P2RY14: variants seen among roughly 807,000 people sequenced by gnomAD.
P2RY14 encodes P2Y purinoceptor 14.
P2RY14 carries 2 observed loss-of-function variants against 0.9 expected under a neutral mutation model. The ratio of observed to expected loss-of-function variants is 2.16; its 90% CI spans 0.88 to 6.79. The LOEUF (loss-of-function observed/expected upper bound fraction) is 6.79. Ranked by LOEUF, P2RY14 falls within the 30% of genes most tolerant of loss-of-function variation. P2RY14 has a pLI of 0.05. For synonymous variants in P2RY14, 158 were observed against 147.2 expected, an observed-to-expected ratio of 1.07 and a Z score of -0.53; for missense variants, 378 against 400.1, an observed-to-expected ratio of 0.94 and a Z score of 0.47.
At chr3:151,230,539 C>T (rs1037487003) in intron 1 of P2RY14, among the ~76,000 whole-genome samples, 8 of 151,064 alleles carry the variant, frequency 5.3e-5, no homozygotes, top group African/African-American at 1.5e-4. Context: ...GACTGTGAAA[C>T]GTGCCAGGAC....
chr3:151,214,174 A>G lies in P2RY14; in HGVS notation c.143T>C (p.Phe48Ser). The change falls in exon 3 of 3, where the codon TTT (phenylalanine) becomes TCT (serine). Residue 48 changes from phenylalanine (F) to serine (S), a missense_variant. By Grantham distance (155) the Phe-to-Ser change is radical (BLOSUM62 -2). Transcript: ENST00000309170. ...GAAACTCTTAGAGCTGGGCACGTAAAAGAATATCCATCCTGACACTCCATT... is the reference window on the plus strand; with the variant it reads ...GAAACTCTTAGAGCTGGGCACGTAAGAGAATATCCATCCTGACACTCCATT... ...LLNGVSGWIF[F>S]YVPSSKSFII... is the part of the protein sequence containing the mutation. The G allele has an allele frequency of 6.2e-7, 1 of 1,614,164 alleles. No individual in the cohort carries two copies. The highest frequency in any genetic ancestry group is 8.5e-7 in the Non-Finnish European group (1 of 1,180,018).
intron 1 of P2RY14, among the ~76,000 whole-genome samples, chr3:151,263,861 T>G (rs1037641642): frequency 3.9e-5 from 6 of 152,006 alleles, no homozygotes; most frequent in Non-Finnish European, 8.8e-5. Flanking sequence ...GTGGTAAGAG[T>G]GAGACAATAC....
intron 1 of P2RY14, among the ~76,000 whole-genome samples, chr3:151,233,733 C>CA (rs1732180352): frequency 6.6e-6 from 1 of 152,070 alleles, no homozygotes; most frequent in Non-Finnish European, 1.5e-5. Flanking sequence ...AACTCCGTCT[C>CA]AAAAAAACAA....
intron 1 of P2RY14, among the ~76,000 whole-genome samples, chr3:151,248,658 T>C (rs928680698): frequency 2.0e-5 from 3 of 152,102 alleles, no homozygotes; most frequent in Non-Finnish European, 4.4e-5. Context: ...TCATGCCTTA[T>C]CAAATTAAAA....
At chr3:151,224,446 CTTT>C (rs80099332) in intron 1 of P2RY14, among the ~76,000 whole-genome samples, 1 of 143,150 alleles carries the variant, frequency 7.0e-6, no homozygotes. Context: ...ATGTTTAACA[CTTT>C]TTTTTTTTTT....
At chr3:151,240,600 C>A (rs1267242001) in intron 1 of P2RY14, among the ~76,000 whole-genome samples, 1 of 152,054 alleles carries the variant, frequency 6.6e-6, no homozygotes, top group Non-Finnish European at 1.5e-5. Flanking sequence ...AGATTCAAAT[C>A]TAGTTGTTTA....
chr3:151,255,970 C>T (rs180699383), intron 1 of P2RY14, among the ~76,000 whole-genome samples: 27 of 152,286 alleles, frequency 1.8e-4, no homozygotes, highest in Admixed American at 1.8e-3. Flanking sequence ...ACTATAATGC[C>T]TAGCTCTAAG....
intron 1 of P2RY14, among the ~76,000 whole-genome samples, chr3:151,220,751 T>G (rs999301859): frequency 6.6e-6 from 1 of 152,186 alleles, no homozygotes; most frequent in African/African-American, 2.4e-5. Context: ...CCAGTAAACC[T>G]CTTTCTTTTG....
chr3:151,215,420 C>T (rs1576994800), intron 2 of P2RY14, among the ~76,000 whole-genome samples: 1 of 152,058 alleles, frequency 6.6e-6, no homozygotes, highest in African/African-American at 2.4e-5. Flanking sequence ...TAATATTCTA[C>T]AAATGCTCTA....
At chr3:151,227,327 G>A (rs1207881432) in intron 1 of P2RY14, among the ~76,000 whole-genome samples, 3 of 152,140 alleles carry the variant, frequency 2.0e-5, no homozygotes, top group Middle Eastern at 3.4e-3. Flanking sequence ...CTTGATCTTC[G>A]TATTCACAGT....
rs537202119 is a variant in P2RY14 at position 151,230,304 on chromosome 3, T to G, written c.-132-10662A>C. Reference sequence around the variant, plus strand: ...CTGTTCTTGAATATGCGTGTCTGTTTTAGAACATTCCACTTGTGATATTTC... The same window carrying G: ...CTGTTCTTGAATATGCGTGTCTGTTGTAGAACATTCCACTTGTGATATTTC... On this transcript the variant is annotated intron_variant, in intron 1 of 2. Transcript: ENST00000309170. 2.6e-5 allele frequency among the ~76,000 whole-genome samples: 4 copies of G among 152,350 alleles called. No individual in the cohort carries two copies. In the South Asian group the frequency reaches 8.3e-4, roughly 32 times the overall value.
intron 1 of P2RY14, among the ~76,000 whole-genome samples, chr3:151,266,760 A>G (rs1739912577): frequency 6.6e-6 from 1 of 152,238 alleles, no homozygotes; most frequent in Admixed American, 6.5e-5. Flanking sequence ...TGCAGGAAAT[A>G]GTTAGCTGCC....
At chr3:151,273,416 T>TTC (rs1289833008) in intron 1 of P2RY14, among the ~76,000 whole-genome samples, 1 of 147,844 alleles carries the variant, frequency 6.8e-6, no homozygotes, top group Non-Finnish European at 1.5e-5. Context: ...TTTTTTTTTT[T>TTC]TTTTTTAGTA....
chr3:151,240,253 T>C (rs147620194), intron 1 of P2RY14, among the ~76,000 whole-genome samples: 38 of 152,350 alleles, frequency 2.5e-4, no homozygotes, highest in Middle Eastern at 3.4e-3. Flanking sequence ...GCCCAGTTTT[T>C]TGTGGGAATG....
intron 2 of P2RY14, among the ~76,000 whole-genome samples, chr3:151,214,958 G>A (rs1263680299): frequency 6.6e-6 from 1 of 152,048 alleles, no homozygotes; most frequent in Non-Finnish European, 1.5e-5. Context: ...CATTATAAAT[G>A]TTTACATATT....
At chr3:151,248,342 A>G (rs1169624194) in intron 1 of P2RY14, among the ~76,000 whole-genome samples, 2 of 152,166 alleles carry the variant, frequency 1.3e-5, no homozygotes, top group South Asian at 2.1e-4. Flanking sequence ...AATATTTTAG[A>G]GAAGACATCA....
chr3:151,218,397 G>A (rs1489527919), intron 2 of P2RY14, among the ~76,000 whole-genome samples: 1 of 152,198 alleles, frequency 6.6e-6, no homozygotes, highest in Non-Finnish European at 1.5e-5. Flanking sequence ...GCCAGTTTGT[G>A]TAGGTGTCTG....
At chr3:151,232,779 A>C (rs763697414) in intron 1 of P2RY14, among the ~76,000 whole-genome samples, 13 of 152,184 alleles carry the variant, frequency 8.5e-5, no homozygotes, top group Non-Finnish European at 1.6e-4. Context: ...ACTGAGGCTT[A>C]CTTGAGGATG....
chr3:151,225,485 C>A (rs1231225239), intron 1 of P2RY14, among the ~76,000 whole-genome samples: 4 of 152,156 alleles, frequency 2.6e-5, no homozygotes, highest in African/African-American at 4.8e-5. Flanking sequence ...TGCAGTAATA[C>A]CATTAATTTG....
Sources: allele counts gnomAD v4.1 joint callset (sites outside exome capture counted in the v4.1 genomes callset), GRCh38; gene constraint gnomAD v4.1.1; transcripts MANE v1.5; gene names NCBI Gene and HGNC (gene_info 2026-07-23, HGNC 2026-07-21).